NFATC1: variants seen among roughly 807,000 people sequenced by gnomAD.
The protein encoded by NFATC1 is nuclear factor of activated T cells 1, also known as nuclear factor of activated T-cells, cytoplasmic 1.
Under a neutral mutation model 76.0 loss-of-function variants are expected in NFATC1, and 22 were observed. The observed-to-expected ratio is 0.29, with a 90% confidence interval of 0.21 to 0.41. The LOEUF (loss-of-function observed/expected upper bound fraction) is 0.41, where lower values mean the gene tolerates loss of function less well. Ranked by LOEUF, NFATC1 falls within the 10% of genes least tolerant of loss-of-function variation. The pLI, the probability that NFATC1 is intolerant of heterozygous loss-of-function variation, is 1.00. For synonymous variants in NFATC1, 704 were observed against 613.1 expected (o/e 1.15, Z -2.19); for missense variants, 1,357 against 1,337.7 (o/e 1.01, Z -0.23).
chr18:79,526,140 T>A (rs948398204), intron 9 of NFATC1, among the ~76,000 whole-genome samples: 2 of 152,132 alleles, frequency 1.3e-5, no homozygotes, highest in African/African-American at 4.8e-5. Context: ...GGAAAGTGCC[T>A]CTGGTGAGGA....
In NFATC1 at chr18:79,490,295, G is replaced by A. The variant is rs2089640041; in HGVS notation, c.2782+3358G>A. ...TGGGGTGGTCCCTGGTGCAGGCCCC[G>A]CTCTGGGTTAGGACAGGGTGGTCCC... On this transcript the variant is annotated intron_variant, in intron 9 of 9. Transcript: ENST00000427363. 3.9e-5 allele frequency among the ~76,000 whole-genome samples: 6 copies of A among 151,916 alleles called. No individual in the cohort carries two copies. In the South Asian group the frequency reaches 1.0e-3, roughly 26 times the overall value.
chr18:79,495,795 G>A (rs1264065207), intron 9 of NFATC1, among the ~76,000 whole-genome samples: 4 of 152,070 alleles, frequency 2.6e-5, no homozygotes, highest in African/African-American at 4.8e-5. Context: ...TAGGCAGGCC[G>A]TGAACAGTAC....
At position 79,454,733 on chromosome 18, in the gene NFATC1, T is replaced by G. The variant is rs1298140941; in HGVS notation, c.1903+2917T>G. Among the ~76,000 whole-genome samples the G allele has an allele frequency of 2.0e-5, 3 of 152,250 alleles. No homozygotes were observed. In the South Asian group the frequency reaches 6.2e-4, roughly 32 times the overall value. On this transcript the variant is annotated intron_variant, in intron 6 of 9. Coordinates refer to ENST00000427363, the MANE Select transcript of NFATC1 (RefSeq NM_001278669.2). ...GATGAAAATCTGTGAGGAATGTTCT[T>G]CCAGGAGGCAGGTTGGCTGTGGGGA...
chr18:79,411,658 C>T (rs1372943651), intron 2 of NFATC1, among the ~76,000 whole-genome samples, 157 bp downstream of exon 2: 1 of 152,162 alleles, frequency 6.6e-6, no homozygotes, highest in Non-Finnish European at 1.5e-5. Flanking sequence ...AGCTGGGAGG[C>T]AGAGTCTGTC....
At chr18:79,500,104 A>G (rs1053900767) in intron 9 of NFATC1, among the ~76,000 whole-genome samples, 1 of 152,174 alleles carries the variant, frequency 6.6e-6, no homozygotes, top group Non-Finnish European at 1.5e-5. Flanking sequence ...ACTTAAGACT[A>G]TCAACCAACT....
chr18:79,478,459 G>C (rs996427452), intron 8 of NFATC1, among the ~76,000 whole-genome samples: 1 of 152,174 alleles, frequency 6.6e-6, no homozygotes, highest in Non-Finnish European at 1.5e-5. Flanking sequence ...TGCCTGCCCT[G>C]GGGCTGCATA....
chr18:79,463,615 C>G (rs537835201), intron 7 of NFATC1, among the ~76,000 whole-genome samples: 4 of 152,246 alleles, frequency 2.6e-5, no homozygotes, highest in Non-Finnish European at 4.4e-5. Context: ...CATTGCCAGG[C>G]CTCCCCACCT....
intron 9 of NFATC1, among the ~76,000 whole-genome samples, chr18:79,521,171 A>ATG (rs1403270779): frequency 3.2e-5 from 2 of 61,618 alleles, no homozygotes; most frequent in Non-Finnish European, 5.8e-5. Flanking sequence ...GCATCCACTG[A>ATG]TGTGTGTCCA....
chr18:79,433,251 C>T (rs1379667526), intron 2 of NFATC1, among the ~76,000 whole-genome samples: 4 of 152,228 alleles, frequency 2.6e-5, no homozygotes, highest in Non-Finnish European at 5.9e-5. Flanking sequence ...ACAGCCCATC[C>T]CTCTTAGATT....
chr18:79,494,901 A>G (rs1404995981), intron 9 of NFATC1, among the ~76,000 whole-genome samples: 15 of 107,344 alleles, frequency 1.4e-4, no homozygotes, highest in Admixed American at 1.9e-4. Context: ...TGAACCTGGT[A>G]CCGCCGGGGG....
chr18:79,523,471 T>C (rs2090668209), intron 9 of NFATC1, among the ~76,000 whole-genome samples: 1 of 152,248 alleles, frequency 6.6e-6, no homozygotes, highest in Non-Finnish European at 1.5e-5. Context: ...AAGGTACGAA[T>C]ACTTGACTGA....
In NFATC1 at chr18:79,486,269, C is replaced by T. The variant is rs1427487961; in HGVS notation, c.2114C>T (p.Pro705Leu). The change falls in exon 9 of 10, where the codon CCC becomes CTC. Residue 705 changes from proline to leucine, a missense_variant. Pro to Leu is a moderately conservative substitution (Grantham distance 98, BLOSUM62 -3). Coordinates refer to ENST00000427363, the MANE Select transcript of NFATC1 (RefSeq NM_001278669.2). ...PANVPIIKTE[P>L]TDDYEPAPTC... ...ACAGTTCCAATTATAAAAACAGAAC[C>T]CACTGATGATTATGAGCCTGCTCCA... The T allele has an allele frequency of 6.2e-7, 1 of 1,609,858 alleles. No homozygotes were observed.
intron 9 of NFATC1, among the ~76,000 whole-genome samples, chr18:79,507,195 G>A (rs55709358): frequency 0.037 from 5,659 of 152,324 alleles, 158 homozygotes; most frequent in Non-Finnish European, 0.055. Flanking sequence ...GCCCTATCAG[G>A]CCCTCCCAGC....
rs1190975215 is a variant in NFATC1, at chr18:79,524,161, G to A, written c.2783-3367G>A. 6.6e-6 allele frequency: 1 copy of A among 151,992 alleles called. No individual in the cohort carries two copies. The highest frequency in any genetic ancestry group is 2.4e-5 in the African/African-American group (1 of 41,378). The allele number at this position is 151,992 out of a possible 1,614,324, so 9.4% of individuals were successfully genotyped here. On this transcript the variant is annotated intron_variant, in intron 9 of 9. Transcript: ENST00000427363. The surrounding 1 kb of genome is among the most constrained non-coding windows in gnomAD (Gnocchi z 7.2). ...GGTCAGAAGTGCTCGTGGCGGGAAG[G>A]AGTTGGGGGGTGGGGGGGCGGTCCT...
chr18:79,485,592 C>T (rs1298961756), intron 8 of NFATC1, among the ~76,000 whole-genome samples: 1 of 152,224 alleles, frequency 6.6e-6, no homozygotes, highest in Non-Finnish European at 1.5e-5. Flanking sequence ...GGGCTCTTCC[C>T]CAAAGCCCCG....
At chr18:79,435,377 G>T (rs1363136140) in intron 3 of NFATC1, among the ~76,000 whole-genome samples, 1 of 149,910 alleles carries the variant, frequency 6.7e-6, no homozygotes, top group African/African-American at 2.4e-5. Flanking sequence ...TTGAGACGGA[G>T]TCTCGCTCTC....
At position 79,524,719 on chromosome 18, in the gene NFATC1, C is replaced by T. The variant is rs2090706593; in HGVS notation, c.2783-2809C>T. ...GAGAGAGCAAAGGAGGCTGTGGTGG[C>T]CCCCGACGGGAACCTGGGTGGCCGG... On this transcript the variant is annotated intron_variant, in intron 9 of 9. Coordinates refer to ENST00000427363, the MANE Select transcript of NFATC1 (RefSeq NM_001278669.2). The surrounding 1 kb of genome is among the most constrained non-coding windows in gnomAD (Gnocchi z 7.2). Among the ~76,000 whole-genome samples, 1 of 152,088 alleles carries T rather than the reference C, an allele frequency of 6.6e-6. No homozygotes were observed. The highest frequency in any genetic ancestry group is 6.5e-5 in the Admixed American group (1 of 15,278).
chr18:79,444,858 A>G (rs1289382616), intron 3 of NFATC1, among the ~76,000 whole-genome samples: 2 of 152,198 alleles, frequency 1.3e-5, no homozygotes, highest in Non-Finnish European at 2.9e-5. Context: ...GCTTCTGCAC[A>G]CCACACAGCC....
chr18:79,432,341 T>TTGG (rs2086621771), intron 2 of NFATC1, among the ~76,000 whole-genome samples: 2 of 151,732 alleles, frequency 1.3e-5, no homozygotes, highest in Non-Finnish European at 2.9e-5. Flanking sequence ...GTGAGGACAG[T>TTGG]CGGCGGGCCC....
Sources: allele counts gnomAD v4.1 joint callset (sites outside exome capture counted in the v4.1 genomes callset), GRCh38; gene constraint gnomAD v4.1.1; non-coding constraint Gnocchi (gnomAD v3.1); transcripts MANE v1.5; gene names NCBI Gene and HGNC (gene_info 2026-07-23, HGNC 2026-07-21).